Variants in SETD5 observed in about 807,000 individuals in gnomAD.
The protein encoded by SETD5 is SET domain containing 5, also known as histone-lysine N-methyltransferase SETD5.
Under a neutral mutation model 153.3 loss-of-function variants are expected in SETD5, and 44 were observed. The ratio of observed to expected loss-of-function variants is 0.29; its 90% confidence interval spans 0.23 to 0.37. The LOEUF (loss-of-function observed/expected upper bound fraction) is 0.37. Ranked by LOEUF, SETD5 falls within the 10% of genes least tolerant of loss-of-function variation. The pLI, the probability that SETD5 is intolerant of heterozygous loss-of-function variation, is 1.00. For missense variants in SETD5, 1,544 were observed against 1,768.0 expected, an observed-to-expected ratio of 0.87 and a Z score of 2.27; for synonymous variants, 716 against 645.2, an observed-to-expected ratio of 1.11 and a Z score of -1.66.
At chr3:9,472,056 A>G (rs1017645521) in intron 19 of SETD5, among the ~76,000 whole-genome samples, 4 of 152,260 alleles carry the variant, frequency 2.6e-5, no homozygotes, top group African/African-American at 9.6e-5. Flanking sequence ...GATTAAGATA[A>G]TAATTGATTT....
Position 9,445,964 on chromosome 3 carries a change from TG to T in SETD5, c.1524+225del, listed in dbSNP as rs369594133. Among the ~76,000 whole-genome samples, 159 of 141,532 alleles carry T rather than the reference TG, an allele frequency of 1.1e-3. 5 individuals carry two copies. Among genetic ancestry groups the T allele is most frequent in the African/African-American group, 3.1e-3 (112 of 36,290 alleles). The allele number at this position is 141,532 out of a possible 152,430, so 92.9% of individuals were successfully genotyped here. On this transcript the variant is annotated intron_variant, in intron 13 of 22. Transcript: ENST00000402198. ...TTATCTAGTGATGGTTTGAAGAGGTTGTTTTTTTTTTTTTTTTTTTTTTTAC... is the reference window on the plus strand; with the variant it reads ...TTATCTAGTGATGGTTTGAAGAGGTTTTTTTTTTTTTTTTTTTTTTTTTAC...
At chr3:9,452,292 C>T (rs919868037) in intron 16 of SETD5, among the ~76,000 whole-genome samples, 3 of 152,102 alleles carry the variant, frequency 2.0e-5, no homozygotes, top group Non-Finnish European at 4.4e-5. Flanking sequence ...AAAAGAAAAA[C>T]TTAAAGGTGG....
Position 9,470,523 on chromosome 3 carries a change from G to A in SETD5, c.2789G>A (p.Cys930Tyr), listed in dbSNP as rs766377636. ...TACCTTGACTCCAACACTAACAGCT[G>A]TGCTGATAGACCTTCCCTACTCAAC... ...VGYLDSNTNS[C>Y]ADRPSLLNSG... is the part of the protein sequence containing the mutation. The change falls in exon 19 of 23, where the codon TGT becomes TAT. Residue 930 changes from cysteine to tyrosine, a missense_variant. Cys to Tyr is a radical substitution (Grantham distance 194). This residue lies in a region of SETD5 where 782 missense variants were observed against 787.2 expected (regional missense o/e 0.99). Transcript: ENST00000402198. The A allele has an allele frequency of 3.7e-6, 6 of 1,613,840 alleles. No individual in the cohort carries two copies. Among genetic ancestry groups the A allele is most frequent in the Non-Finnish European group, 5.1e-6 (6 of 1,179,890 alleles).
At chr3:9,448,280 C>T (rs2125286277) in intron 15 of SETD5, 108 bp from the exon 16 acceptor site, 14 of 1,464,216 alleles carry the variant, frequency 9.6e-6, no homozygotes, top group East Asian at 2.4e-5. Context: ...TTCATTCTTA[C>T]TGCAGCTGCT....
At chr3:9,471,772 T>A (rs1442615271) in intron 19 of SETD5, among the ~76,000 whole-genome samples, 1 of 152,226 alleles carries the variant, frequency 6.6e-6, no homozygotes, top group Non-Finnish European at 1.5e-5. Flanking sequence ...TCCCAGTGAC[T>A]TGCATTTATT....
intron 1 of SETD5, among the ~76,000 whole-genome samples, chr3:9,400,708 A>C (rs2034624967): frequency 6.6e-6 from 1 of 152,210 alleles, no homozygotes; most frequent in Non-Finnish European, 1.5e-5. Context: ...CATCACAAAT[A>C]TATGTCTTTG....
At chr3:9,404,633 T>G (rs2035372593) in intron 1 of SETD5, among the ~76,000 whole-genome samples, 1 of 152,236 alleles carries the variant, frequency 6.6e-6, no homozygotes, top group Non-Finnish European at 1.5e-5. Flanking sequence ...GACAGTTTTC[T>G]CTGCATGTGC....
At chr3:9,453,215 A>G (rs1369682858) in intron 16 of SETD5, among the ~76,000 whole-genome samples, 1 of 152,176 alleles carries the variant, frequency 6.6e-6, no homozygotes, top group Non-Finnish European at 1.5e-5. Flanking sequence ...TTCATTTGAA[A>G]TAAACCTTTT....
chr3:9,438,345 A>G (rs1348947184), intron 7 of SETD5, among the ~76,000 whole-genome samples: 1 of 152,190 alleles, frequency 6.6e-6, no homozygotes, highest in South Asian at 2.1e-4. Flanking sequence ...GGAGGCAGAT[A>G]ATAGCCCTAA....
chr3:9,426,175 T>G (rs2125002186), intron 2 of SETD5: 1 of 146,388 alleles, frequency 6.8e-6, no homozygotes. Flanking sequence ...AACATACATG[T>G]GTAAGACTGG....
intron 1 of SETD5, among the ~76,000 whole-genome samples, chr3:9,417,690 T>A (rs993027026): frequency 1.1e-4 from 17 of 151,962 alleles, no homozygotes; most frequent in Non-Finnish European, 2.5e-4. Flanking sequence ...TTTCACCATG[T>A]TAGCCAGGAT....
At position 9,475,927 on chromosome 3, in the gene SETD5, A is replaced by G. The variant is rs761115385; in HGVS notation, c.4165A>G (p.Ile1389Val). The G allele has an allele frequency of 8.1e-6, 13 of 1,614,012 alleles. 1 individual carries two copies. In the South Asian group the frequency reaches 1.2e-4, roughly 15 times the overall value. ...RSSLPSDLRT[I>V]SLPSAGQSAV... ...GTCATTGCCATCAGACTTACGGACT[A>G]TCAGTCTGCCCAGTGCTGGGCAGTC... Residue 1389 changes from isoleucine (I) to valine (V), a missense_variant, in exon 23 of 23, where the codon ATC (isoleucine) becomes GTC (valine). Around this residue, in one of 9 missense-constraint regions of SETD5, gnomAD observed 302 missense variants for 277.6 expected, o/e 1.09. Coordinates refer to ENST00000402198, the MANE Select transcript of SETD5 (RefSeq NM_001080517.3).
At chr3:9,415,891 T>A (rs983310493) in intron 1 of SETD5, among the ~76,000 whole-genome samples, 7 of 151,282 alleles carry the variant, frequency 4.6e-5, no homozygotes, top group Non-Finnish European at 7.4e-5. Context: ...TTTTTTTTTT[T>A]AAAGACAGGC....
intron 18 of SETD5, among the ~76,000 whole-genome samples, chr3:9,468,826 G>T (rs577733925): frequency 1.3e-5 from 2 of 151,886 alleles, no homozygotes; most frequent in Non-Finnish European, 2.9e-5. Flanking sequence ...TGTGTGTTTG[G>T]TGGGGTTGGT....
chr3:9,422,111 G>A (rs969119488), intron 1 of SETD5, among the ~76,000 whole-genome samples: 1 of 152,044 alleles, frequency 6.6e-6, no homozygotes, highest in Non-Finnish European at 1.5e-5. Flanking sequence ...AAGAAACCAG[G>A]CCTAGGAGAT....
At chr3:9,466,373 C>T (rs1415445625) in intron 18 of SETD5, among the ~76,000 whole-genome samples, 1 of 151,328 alleles carries the variant, frequency 6.6e-6, no homozygotes, top group Non-Finnish European at 1.5e-5. Flanking sequence ...GTTCCTTATC[C>T]CTTGTAGCAT....
Position 9,458,550 on chromosome 3 carries a change from C to T in SETD5, c.2476+4682C>T, listed in dbSNP as rs567586356. On this transcript the variant is annotated intron_variant, in intron 17 of 22. Transcript: ENST00000402198. ...ACTTGAGCCCAAGAATTTGAGGCTG[C>T]AGTGAGCTGTGATAATGCCACTGCG... 1.4e-4 allele frequency among the ~76,000 whole-genome samples: 21 copies of T among 152,256 alleles called. No individual in the cohort carries two copies. In the East Asian group the frequency reaches 1.7e-3, roughly 13 times the overall value.
At position 9,447,862 on chromosome 3, in the gene SETD5, T is replaced by A. The variant is rs1288728748; in HGVS notation, c.1959T>A (p.Ser653Arg). The change falls in exon 15 of 23, where the codon AGT (serine) becomes AGA (arginine). Residue 653 changes from serine (S) to arginine (R), a missense_variant. By Grantham distance (110) the Ser-to-Arg change is moderately radical. Coordinates refer to ENST00000402198, the MANE Select transcript of SETD5 (RefSeq NM_001080517.3). ...LSQAALEEGG[S>R]NSLVTPTEAG... ...AAGCTGCCTTGGAAGAGGGAGGAAG[T>A]AACAGTTTAGTAACTCCTACTGAAG... The A allele has an allele frequency of 8.1e-6, 13 of 1,613,970 alleles. No homozygotes were observed. In the South Asian group the frequency reaches 1.3e-4, roughly 16 times the overall value.
rs570381268 is a variant in SETD5, at chr3:9,442,865, G to A, written c.1078-443G>A. 10 of 169,934 alleles carry A rather than the reference G, an allele frequency of 5.9e-5. No homozygotes were observed. In the South Asian group the frequency reaches 7.3e-4, roughly 12 times the overall value. 10.5% of individuals were successfully genotyped at this position (169,934 alleles called of 1,614,324 possible). A position where few individuals can be genotyped will look rare whatever the true frequency, so the allele number is the denominator to read the frequency against. On this transcript the variant is annotated intron_variant, in intron 10 of 22. Transcript: ENST00000402198. ...AGCCTGGCCAACATGGTGAAACCCC[G>A]TCTCTACTAAAAAAAAATAGAAAAC... is the stretch of plus-strand genomic sequence containing the variant.
Sources: gnomAD v4.1 joint callset for allele counts (sites outside exome capture counted in the v4.1 genomes callset) on GRCh38, gnomAD v4.1.1 for gene constraint, gnomAD v4.1.1 regional missense constraint, MANE v1.5 for transcripts, NCBI Gene and HGNC (gene_info 2026-07-23, HGNC 2026-07-21) for gene names.